The following ARMH3 variants were observed in gnomAD, a reference collection of about 807,000 sequenced individuals.
The protein encoded by ARMH3 is armadillo like helical domain containing 3, also known as armadillo-like helical domain-containing protein 3.
Under a neutral mutation model 99.1 loss-of-function variants are expected in ARMH3, and 60 were observed. The ratio of observed to expected loss-of-function variants is 0.61; its 90% confidence interval spans 0.49 to 0.75. The LOEUF (loss-of-function observed/expected upper bound fraction) is 0.75, where lower values mean the gene tolerates loss of function less well. Ranked by LOEUF, ARMH3 falls within the 30% of genes least tolerant of loss-of-function variation. The pLI is 0.00. For missense variants in ARMH3, 679 were observed against 843.1 expected (o/e 0.81, Z 2.41); for synonymous variants, 285 against 292.8 (o/e 0.97, Z 0.27).
In ARMH3 at chr10:101,954,439, A is replaced by G. The variant is rs575305636; in HGVS notation, c.1705+2158T>C. On this transcript the variant is annotated intron_variant, in intron 22 of 25. Coordinates refer to ENST00000370033, the MANE Select transcript of ARMH3 (RefSeq NM_024541.3). ...CTATATGAAAGAAGCCAGACTCAAA[A>G]GGTTATATCATTCCATCTATAAGAT... is the stretch of plus-strand genomic sequence containing the variant. Among the ~76,000 whole-genome samples, 63 of 152,362 alleles carry G rather than the reference A, an allele frequency of 4.1e-4. No homozygotes were observed. The South Asian group carries it at 0.013, about 31-fold the overall frequency.
intron 24 of ARMH3, among the ~76,000 whole-genome samples, chr10:101,868,592 T>G (rs963804136): frequency 6.6e-6 from 1 of 152,122 alleles, no homozygotes; most frequent in African/African-American, 2.4e-5. Flanking sequence ...TTCCTCCTCC[T>G]CAGCCTACTC....
chr10:101,917,499 T>C (rs1475943060), intron 23 of ARMH3, among the ~76,000 whole-genome samples: 2 of 152,228 alleles, frequency 1.3e-5, no homozygotes, highest in Non-Finnish European at 2.9e-5. Context: ...TGTTCCGCCG[T>C]TGAGAGACAC....
chr10:101,925,190 G>A (rs1843461772), intron 23 of ARMH3, among the ~76,000 whole-genome samples: 1 of 152,152 alleles, frequency 6.6e-6, no homozygotes, highest in African/African-American at 2.4e-5. Context: ...TTCAGCTGCT[G>A]AATAACATAA....
chr10:102,034,801 G>A (rs893633495), intron 2 of ARMH3, among the ~76,000 whole-genome samples: 23 of 151,910 alleles, frequency 1.5e-4, no homozygotes, highest in Middle Eastern at 3.2e-3. Context: ...CCAGCTACTC[G>A]GGAGGCTGAG....
chr10:101,973,085 G>A (rs1845839804), intron 20 of ARMH3, among the ~76,000 whole-genome samples: 1 of 152,086 alleles, frequency 6.6e-6, no homozygotes, highest in Non-Finnish European at 1.5e-5. Flanking sequence ...TCGCAGCCAG[G>A]CATGGTGACT....
chr10:101,945,724 A>T (rs1276118423), intron 22 of ARMH3, among the ~76,000 whole-genome samples: 1 of 151,664 alleles, frequency 6.6e-6, no homozygotes, highest in Non-Finnish European at 1.5e-5. Context: ...CTGTCTCAAA[A>T]AAGAAAAAAA....
chr10:102,006,504 T>C, intron 14 of ARMH3, 36 bp downstream of exon 14: 3 of 1,580,876 alleles, frequency 1.9e-6, no homozygotes, highest in South Asian at 2.2e-5. Context: ...TCTAAGATCA[T>C]ATTAACCAAG....
At chr10:101,983,999 C>G (rs1323750227) in intron 19 of ARMH3, among the ~76,000 whole-genome samples, 1 of 152,088 alleles carries the variant, frequency 6.6e-6, no homozygotes, top group Non-Finnish European at 1.5e-5. Context: ...CCCATGGGAT[C>G]TGAAACTACC....
At chr10:102,045,054 T>G (rs533124408) in intron 1 of ARMH3, among the ~76,000 whole-genome samples, 1 of 147,120 alleles carries the variant, frequency 6.8e-6, no homozygotes, top group Admixed American at 7.0e-5. Flanking sequence ...GAGGATGTCT[T>G]GAGCCCAGGA....
At chr10:102,032,279 C>G (rs1269017335) in intron 4 of ARMH3, among the ~76,000 whole-genome samples, 1 of 152,224 alleles carries the variant, frequency 6.6e-6, no homozygotes, top group African/African-American at 2.4e-5. Flanking sequence ...TAGTATATCT[C>G]TATCATCCAG....
rs115286381 is a variant in ARMH3 at position 101,942,943 on chromosome 10, C to T, written c.1706-3005G>A. 9.2e-3 allele frequency among the ~76,000 whole-genome samples: 1,396 copies of T among 151,886 alleles called. 18 individuals carry two copies. The highest frequency in any genetic ancestry group is 0.032 in the African/African-American group (1,327 of 41,434). On this transcript the variant is annotated intron_variant, in intron 22 of 25. Transcript: ENST00000370033. ...ACCCTCCTACCTTAAACAACAGAAA[C>T]CTGGACAAAACATATGAAACAATGG...
intron 22 of ARMH3, among the ~76,000 whole-genome samples, chr10:101,943,514 T>C (rs537024580): frequency 6.6e-6 from 1 of 152,244 alleles, no homozygotes; most frequent in South Asian, 2.1e-4. Flanking sequence ...TCCAACTGAT[T>C]CCACATAACA....
At chr10:101,972,816 G>A (rs1032340948) in intron 20 of ARMH3, among the ~76,000 whole-genome samples, 1 of 152,090 alleles carries the variant, frequency 6.6e-6, no homozygotes, top group Non-Finnish European at 1.5e-5. Context: ...ATGCCTTCGC[G>A]ACAAGCAATG....
chr10:101,922,154 CCTT>C (rs1297216280), intron 23 of ARMH3, among the ~76,000 whole-genome samples: 1 of 152,064 alleles, frequency 6.6e-6, no homozygotes. Context: ...CAGTTACACA[CCTT>C]CTAAGATTTT....
At chr10:101,938,409 T>C (rs1844087499) in intron 23 of ARMH3, among the ~76,000 whole-genome samples, 1 of 152,130 alleles carries the variant, frequency 6.6e-6, no homozygotes, top group African/African-American at 2.4e-5. Context: ...TTGATGGCCC[T>C]TGGGAAGAAC....
At chr10:101,856,462 T>C (rs1018592938) in intron 24 of ARMH3, among the ~76,000 whole-genome samples, 2 of 152,116 alleles carry the variant, frequency 1.3e-5, no homozygotes, top group African/African-American at 4.8e-5. Flanking sequence ...CTACAATGAA[T>C]GCTCCTATCT....
intron 24 of ARMH3, among the ~76,000 whole-genome samples, chr10:101,851,975 G>A (rs2066612526): frequency 6.6e-6 from 1 of 152,184 alleles, no homozygotes; most frequent in African/African-American, 2.4e-5. Flanking sequence ...TGGAATATCT[G>A]CAGCCAAGGT....
intron 20 of ARMH3, among the ~76,000 whole-genome samples, 164 bp downstream of exon 20, chr10:101,975,048 G>GAAAAAAAAAAAAAAAAAAAAAAAAAA (rs1845928421): frequency 6.5e-5 from 1 of 15,476 alleles, no homozygotes; most frequent in African/African-American, 2.2e-4. Flanking sequence ...AAGCTAAAAC[G>GAAAAAAAAAAAAAAAAAAAAAAAAAA]TAAAAAAAAA....
intron 20 of ARMH3, among the ~76,000 whole-genome samples, chr10:101,970,823 T>G (rs1355914918): frequency 6.7e-6 from 1 of 149,764 alleles, no homozygotes; most frequent in Non-Finnish European, 1.5e-5. Flanking sequence ...TCTCAAAAAA[T>G]AAATAAATAG....
Sources: allele counts gnomAD v4.1 joint callset (sites outside exome capture counted in the v4.1 genomes callset), GRCh38; gene constraint gnomAD v4.1.1; transcripts MANE v1.5; gene names NCBI Gene and HGNC (gene_info 2026-07-23, HGNC 2026-07-21).